The following IPCEF1 variants were observed in gnomAD, a reference collection of about 807,000 sequenced individuals.
The protein encoded by IPCEF1 is interaction protein for cytohesin exchange factors 1.
Under a neutral mutation model 50.9 loss-of-function variants are expected in IPCEF1, and 31 were observed. The observed-to-expected ratio is 0.61, with a 90% CI of 0.46 to 0.82. The LOEUF (loss-of-function observed/expected upper bound fraction) is 0.82. IPCEF1 is among the 40% of genes least tolerant of loss of function. The pLI, the probability that IPCEF1 is intolerant of heterozygous loss-of-function variation, is 0.00. For missense variants in IPCEF1, 458 were observed against 514.0 expected (o/e 0.89, Z 1.05); for synonymous variants, 181 against 192.0 (o/e 0.94, Z 0.47).
At chr6:154,171,045 G>C (rs1156548168) in intron 10 of IPCEF1, among the ~76,000 whole-genome samples, 2 of 152,056 alleles carry the variant, frequency 1.3e-5, no homozygotes, top group African/African-American at 4.8e-5. Context: ...TAATTGAGTT[G>C]CCACTTTAGA....
At chr6:154,276,092 G>A (rs1782050482) in intron 2 of IPCEF1, among the ~76,000 whole-genome samples, 2 of 152,092 alleles carry the variant, frequency 1.3e-5, no homozygotes, top group South Asian at 4.2e-4. Context: ...GCTGAAGCAG[G>A]AGAATCGCTT....
chr6:154,326,604 C>A (rs1040446824), intron 1 of IPCEF1, among the ~76,000 whole-genome samples: 8 of 152,066 alleles, frequency 5.3e-5, no homozygotes, highest in African/African-American at 1.9e-4. Context: ...GCTCTTGAAT[C>A]GGAAGAATTA....
At chr6:154,162,159 G>T (rs568487274) in intron 11 of IPCEF1, among the ~76,000 whole-genome samples, 1 of 152,236 alleles carries the variant, frequency 6.6e-6, no homozygotes, top group South Asian at 2.1e-4. Context: ...CTCCACTTGG[G>T]CACAATGGCC....
At chr6:154,236,298 G>A (rs554822016) in intron 5 of IPCEF1, among the ~76,000 whole-genome samples, 9 of 152,266 alleles carry the variant, frequency 5.9e-5, no homozygotes, top group East Asian at 5.8e-4. Context: ...AGTCACAAAA[G>A]GATAAATATT....
intron 10 of IPCEF1, among the ~76,000 whole-genome samples, chr6:154,179,043 C>G (rs1389235968): frequency 1.3e-5 from 2 of 152,180 alleles, no homozygotes; most frequent in Non-Finnish European, 2.9e-5. Context: ...CCCAGGTCCA[C>G]GACCCAGTCA....
chr6:154,224,290 CA>C (rs1410471626), intron 5 of IPCEF1, among the ~76,000 whole-genome samples: 1 of 152,228 alleles, frequency 6.6e-6, no homozygotes, highest in Non-Finnish European at 1.5e-5. Context: ...AACTAGAGTG[CA>C]ACTTGCATTC....
intron 2 of IPCEF1, among the ~76,000 whole-genome samples, chr6:154,266,746 AG>A (rs1293487568): frequency 6.6e-6 from 1 of 152,038 alleles, no homozygotes; most frequent in East Asian, 1.9e-4. Context: ...ATAGCAAGAT[AG>A]GCTCCTTTTG....
chr6:154,280,076 G>A (rs1782168528), intron 2 of IPCEF1, among the ~76,000 whole-genome samples: 1 of 152,210 alleles, frequency 6.6e-6, no homozygotes, highest in South Asian at 2.1e-4. Flanking sequence ...CAAGATTGTA[G>A]AACCAGTGAA....
chr6:154,350,230 T>C (rs1283691462), intron 1 of IPCEF1, among the ~76,000 whole-genome samples: 1 of 152,210 alleles, frequency 6.6e-6, no homozygotes, highest in African/African-American at 2.4e-5. Flanking sequence ...TTCCATCACA[T>C]TGCATCATTT....
intron 7 of IPCEF1, chr6:154,218,964 G>A (rs901257258): frequency 4.6e-5 from 7 of 152,126 alleles, no homozygotes; most frequent in African/African-American, 1.2e-4. Context: ...AGATCTTGAC[G>A]TTGATAACTG....
intron 10 of IPCEF1, among the ~76,000 whole-genome samples, chr6:154,198,980 T>G (rs113191641): frequency 6.6e-6 from 1 of 152,180 alleles, no homozygotes; most frequent in African/African-American, 2.4e-5. Context: ...ACGTCACGAT[T>G]GAACAGTAAT....
At chr6:154,215,978 T>C (rs1778362203) in intron 7 of IPCEF1, among the ~76,000 whole-genome samples, 1 of 152,200 alleles carries the variant, frequency 6.6e-6, no homozygotes, top group South Asian at 2.1e-4. Flanking sequence ...ATTTCAAGTA[T>C]TTAGCAGGAA....
In IPCEF1 at chr6:154,168,219, T is replaced by A. The variant is rs916690672; in HGVS notation, c.911-106A>T. 1.4e-6 allele frequency: 1 copy of A among 739,424 alleles called. No homozygotes were observed. The highest frequency in any genetic ancestry group is 1.7e-5 in the African/African-American group (1 of 57,626). The allele number at this position is 739,424 out of a possible 1,614,324, so 45.8% of individuals were successfully genotyped here. A position where few individuals can be genotyped will look rare whatever the true frequency, so the allele number is the denominator to read the frequency against. Reference sequence around the variant, plus strand: ...AGGCACGGCCCCACTGGCACCCTCATCTCAGACTTCTCTCCGGAACTGAAA... The same window carrying A: ...AGGCACGGCCCCACTGGCACCCTCAACTCAGACTTCTCTCCGGAACTGAAA... On this transcript the variant is annotated intron_variant, in intron 10 of 11. Coordinates refer to ENST00000367220, the MANE Select transcript of IPCEF1 (RefSeq NM_001130700.2). The surrounding 1 kb of genome is among the most constrained non-coding windows in gnomAD (Gnocchi z 4.1).
In IPCEF1 at chr6:154,168,795, A is replaced by T. The variant is rs1461020217; in HGVS notation, c.911-682T>A. Among the ~76,000 whole-genome samples, 1 of 151,746 alleles carries T rather than the reference A, an allele frequency of 6.6e-6. No homozygotes were observed. The highest frequency in any genetic ancestry group is 1.5e-5 in the Non-Finnish European group (1 of 67,922). On this transcript the variant is annotated intron_variant, in intron 10 of 11. Coordinates refer to ENST00000367220, the MANE Select transcript of IPCEF1 (RefSeq NM_001130700.2). This position sits in a 1 kb window ranked among gnomAD's most constrained non-coding sequence, Gnocchi z 4.1. ...TCATTTTTATATTTTTAGTACAGAC[A>T]GGGTTTCACCATGTTGCCCAGGCTG... is the stretch of plus-strand genomic sequence containing the variant.
intron 1 of IPCEF1, among the ~76,000 whole-genome samples, chr6:154,335,745 T>C (rs934487235): frequency 2.0e-5 from 3 of 152,082 alleles, no homozygotes; most frequent in Non-Finnish European, 4.4e-5. Flanking sequence ...AAACTATTTA[T>C]CCAAGAAGGG....
intron 5 of IPCEF1, among the ~76,000 whole-genome samples, chr6:154,238,497 C>T (rs1780320719): frequency 6.6e-6 from 1 of 152,126 alleles, no homozygotes; most frequent in African/African-American, 2.4e-5. Flanking sequence ...AACTCCCGAC[C>T]TCAGGTGATC....
intron 5 of IPCEF1, 46 bp downstream of exon 5, chr6:154,246,545 T>C: frequency 1.3e-6 from 2 of 1,567,452 alleles, no homozygotes; most frequent in Non-Finnish European, 1.7e-6. Flanking sequence ...CTTTAACGTA[T>C]CCCTCATTAA....
At chr6:154,308,901 G>A (rs1193298758) in intron 1 of IPCEF1, among the ~76,000 whole-genome samples, 1 of 152,184 alleles carries the variant, frequency 6.6e-6, no homozygotes, top group Non-Finnish European at 1.5e-5. Context: ...GATAAGGTGT[G>A]ACATCTGCAA....
intron 1 of IPCEF1, among the ~76,000 whole-genome samples, chr6:154,352,947 C>T (rs1379865864): frequency 6.6e-6 from 1 of 152,170 alleles, no homozygotes; most frequent in African/African-American, 2.4e-5. Flanking sequence ...TTGACTATTG[C>T]ATTTTTTAGG....
Sources: gnomAD v4.1 joint callset for allele counts (sites outside exome capture counted in the v4.1 genomes callset) on GRCh38, gnomAD v4.1.1 for gene constraint, Gnocchi (gnomAD v3.1) non-coding constraint, MANE v1.5 for transcripts, NCBI Gene and HGNC (gene_info 2026-07-23, HGNC 2026-07-21) for gene names.